The following CEP112 variants were observed in gnomAD, a reference collection of about 807,000 sequenced individuals.
CEP112 encodes centrosomal protein 112.
In CEP112, 127 loss-of-function variants were observed where a neutral mutation model predicts 153.0. That is an observed-to-expected ratio of 0.83 (90% confidence interval 0.72 to 0.96). The LOEUF (loss-of-function observed/expected upper bound fraction) is 0.96, where lower values mean the gene tolerates loss of function less well. Among genes scored for constraint, CEP112 ranks in the 40% least tolerant of loss-of-function variants. The pLI is 0.00. For missense variants in CEP112, 1,089 were observed against 1,101.2 expected (o/e 0.99, Z 0.16); for synonymous variants, 358 against 374.4 (o/e 0.96, Z 0.51).
At chr17:66,027,648 C>G in intron 15 of CEP112, 88 bp from the exon 16 acceptor site, 1 of 961,002 alleles carries the variant, frequency 1.0e-6, no homozygotes, top group Non-Finnish European at 1.4e-6. Context: ...AATCAATCTA[C>G]TTAATGTCAA....
At position 66,101,028 on chromosome 17, in the gene CEP112, A is replaced by G. The variant is rs1039138996; in HGVS notation, c.643-4396T>C. On this transcript the variant is annotated intron_variant, in intron 6 of 26. Transcript: ENST00000535342. ...ATGAATCAACTCTTGATACTGAGAGATGACTGTACAATATATTGAATAAAA... is the reference window on the plus strand; with the variant it reads ...ATGAATCAACTCTTGATACTGAGAGGTGACTGTACAATATATTGAATAAAA... Among the ~76,000 whole-genome samples, 155 of 152,252 alleles carry G rather than the reference A, an allele frequency of 1.0e-3. 1 individual carries two copies. The highest frequency in any genetic ancestry group is 3.7e-3 in the African/African-American group (153 of 41,576).
chr17:65,759,004 C>A (rs916982865), intron 21 of CEP112, among the ~76,000 whole-genome samples: 1 of 152,128 alleles, frequency 6.6e-6, no homozygotes, highest in Admixed American at 6.5e-5. Context: ...GCACAAGATA[C>A]AGGTCATACA....
intron 17 of CEP112, among the ~76,000 whole-genome samples, chr17:65,992,266 TGAA>T (rs2063621310): frequency 6.6e-6 from 1 of 152,092 alleles, no homozygotes; most frequent in Non-Finnish European, 1.5e-5. Context: ...AAAAGATAAA[TGAA>T]GAAGATTTAA....
At chr17:65,714,426 T>G (rs1224599726) in intron 23 of CEP112, among the ~76,000 whole-genome samples, 2 of 152,096 alleles carry the variant, frequency 1.3e-5, no homozygotes. Context: ...ATCAAAGTTT[T>G]TTTTTAATAA....
chr17:66,188,825 G>T (rs899558186), intron 1 of CEP112, among the ~76,000 whole-genome samples: 1 of 152,040 alleles, frequency 6.6e-6, no homozygotes, highest in Admixed American at 6.5e-5. Context: ...TCATAATGTT[G>T]AAAAGCAACA....
chr17:65,998,536 A>G (rs1042453563), intron 17 of CEP112, among the ~76,000 whole-genome samples: 1 of 136,970 alleles, frequency 7.3e-6, no homozygotes, highest in East Asian at 1.9e-4. Flanking sequence ...CAATAAAGCT[A>G]TTTTCTTTAA....
At chr17:65,763,098 G>A (rs922644500) in intron 21 of CEP112, among the ~76,000 whole-genome samples, 1 of 152,018 alleles carries the variant, frequency 6.6e-6, no homozygotes, top group Non-Finnish European at 1.5e-5. Context: ...TCGTAGAGGT[G>A]TTTTCTCTCA....
intron 23 of CEP112, among the ~76,000 whole-genome samples, chr17:65,699,277 T>C (rs1764434896): frequency 1.3e-5 from 2 of 152,218 alleles, no homozygotes; most frequent in African/African-American, 4.8e-5. Flanking sequence ...CATTTACTGG[T>C]AACATTAACC....
At chr17:65,913,979 T>A in intron 19 of CEP112, 1 of 553,594 alleles carries the variant, frequency 1.8e-6, no homozygotes, top group Non-Finnish European at 2.3e-6. Flanking sequence ...TGGTTTTATC[T>A]GCCAGATCTC....
At chr17:65,972,696 T>C (rs2062887098) in intron 17 of CEP112, among the ~76,000 whole-genome samples, 1 of 152,226 alleles carries the variant, frequency 6.6e-6, no homozygotes, top group Non-Finnish European at 1.5e-5. Context: ...AGTGGTTATG[T>C]CACTACAGAT....
intron 21 of CEP112, among the ~76,000 whole-genome samples, chr17:65,766,662 T>C (rs1266519683): frequency 6.7e-6 from 1 of 148,456 alleles, no homozygotes; most frequent in African/African-American, 2.5e-5. Flanking sequence ...AGGATATACA[T>C]AGGCTGAAAG....
chr17:65,678,320 G>T (rs1165478500), intron 24 of CEP112, among the ~76,000 whole-genome samples: 1 of 152,026 alleles, frequency 6.6e-6, no homozygotes, highest in Admixed American at 6.6e-5. Context: ...GATCACCCAG[G>T]TTAATACTTG....
intron 6 of CEP112, among the ~76,000 whole-genome samples, chr17:66,101,201 G>A (rs868582284): frequency 6.6e-6 from 1 of 151,986 alleles, no homozygotes; most frequent in African/African-American, 2.4e-5. Flanking sequence ...TATGAAAAAT[G>A]AAAAGTATGT....
At position 65,826,371 on chromosome 17, in the gene CEP112, A is replaced by G. The variant is rs570010313; in HGVS notation, c.2394+25433T>C. The G allele has an allele frequency of 3.6e-4, 570 of 1,592,638 alleles. 1 individual carries two copies. In the African/African-American group the frequency reaches 7.1e-3, roughly 20 times the overall value. ...CAGTGCAGGCTGTAGGGCAGGCAGA[A>G]CTTCTAACAAGAAGCCAGTGAGAGC... On this transcript the variant is annotated intron_variant, in intron 21 of 26. Coordinates refer to ENST00000535342, the MANE Select transcript of CEP112 (RefSeq NM_001199165.4).
intron 24 of CEP112, chr17:65,688,477 G>C (rs975134089): frequency 1.3e-5 from 2 of 152,356 alleles, no homozygotes; most frequent in East Asian, 3.8e-4. Flanking sequence ...GACATGTAAA[G>C]GGAGGGGGTA....
chr17:65,636,962 G>A lies in CEP112; in HGVS notation c.2864+162C>T, dbSNP rs1032413103. 4 of 615,474 alleles carry A rather than the reference G, an allele frequency of 6.5e-6. No homozygotes were observed. In the South Asian group the frequency reaches 8.1e-5, roughly 12 times the overall value. 38.1% of individuals were successfully genotyped at this position (615,474 alleles called of 1,614,324 possible). A position where few individuals can be genotyped will look rare whatever the true frequency, so the allele number is the denominator to read the frequency against. On this transcript the variant is annotated intron_variant, in intron 26 of 26. Transcript: ENST00000535342. Reference sequence around the variant, plus strand: ...ACAGACTAAGCACTGGGATGAGAAGGGGGGTGACTTCTTAAAGACATGCTA... The same window carrying A: ...ACAGACTAAGCACTGGGATGAGAAGAGGGGTGACTTCTTAAAGACATGCTA...
intron 21 of CEP112, among the ~76,000 whole-genome samples, chr17:65,793,141 T>C (rs1465120613): frequency 6.6e-6 from 1 of 151,700 alleles, no homozygotes; most frequent in Non-Finnish European, 1.5e-5. Context: ...TAACCCAGAG[T>C]AAGAGAGTGG....
chr17:66,089,837 G>A (rs1288485631), intron 8 of CEP112, among the ~76,000 whole-genome samples: 4 of 152,056 alleles, frequency 2.6e-5, no homozygotes, highest in Non-Finnish European at 4.4e-5. Context: ...AAGGTCAAAA[G>A]TCTCCAATCT....
At chr17:66,116,678 A>G (rs1241342897) in intron 6 of CEP112, among the ~76,000 whole-genome samples, 1 of 152,172 alleles carries the variant, frequency 6.6e-6, no homozygotes, top group Non-Finnish European at 1.5e-5. Flanking sequence ...TCATTTAATT[A>G]GAATTTCTTT....
Sources: gnomAD v4.1 joint callset for allele counts (sites outside exome capture counted in the v4.1 genomes callset) on GRCh38, gnomAD v4.1.1 for gene constraint, MANE v1.5 for transcripts, NCBI Gene and HGNC (gene_info 2026-07-23, HGNC 2026-07-21) for gene names.